CACNA1H: variants seen among roughly 807,000 people sequenced by gnomAD.
CACNA1H encodes the protein calcium voltage-gated channel subunit alpha1 H, also known as voltage-dependent T-type calcium channel subunit alpha-1H.
A neutral mutation model predicts 192.5 loss-of-function variants in CACNA1H; 149 were observed. The ratio of observed to expected loss-of-function variants is 0.77; its 90% CI spans 0.68 to 0.89. The LOEUF is 0.89. CACNA1H is among the 40% of genes least tolerant of loss of function. The pLI, the probability that CACNA1H is intolerant of heterozygous loss-of-function variation, is 0.00. For synonymous variants in CACNA1H, 2,202 were observed against 1,475.2 expected (o/e 1.49, Z -11.29); for missense variants, 4,257 against 3,423.5 (o/e 1.24, Z -6.08).
intron 2 of CACNA1H, among the ~76,000 whole-genome samples, chr16:1,155,784 C>G (rs887358067): frequency 1.8e-4 from 27 of 152,264 alleles, no homozygotes; most frequent in Admixed American, 1.5e-3. Flanking sequence ...GTTTGCGTTG[C>G]TGTGTGCAGG....
intron 2 of CACNA1H, among the ~76,000 whole-genome samples, chr16:1,186,966 A>G (rs902502581): frequency 8.5e-5 from 13 of 152,072 alleles, no homozygotes; most frequent in Admixed American, 6.5e-5. Context: ...TGTACCACCC[A>G]CTGACTCCCA....
intron 2 of CACNA1H, among the ~76,000 whole-genome samples, chr16:1,177,426 G>T (rs1050851979): frequency 6.6e-6 from 1 of 152,218 alleles, no homozygotes; most frequent in Non-Finnish European, 1.5e-5. Flanking sequence ...CCACCCTGCC[G>T]TCGCCCCGGA....
intron 9 of CACNA1H, 139 bp downstream of exon 9, chr16:1,202,591 C>G (rs947293278): frequency 5.7e-5 from 45 of 783,306 alleles, no homozygotes; most frequent in Non-Finnish European, 7.5e-5. Context: ...CCAGCTATGC[C>G]TCTGGAGCCC....
Position 1,201,773 on chromosome 16 carries a change from G to T in CACNA1H, c.1323G>T (p.Leu441=). 8 of 1,605,460 alleles carry T rather than the reference G, an allele frequency of 5.0e-6. No individual in the cohort carries two copies. The highest frequency in any genetic ancestry group is 6.8e-6 in the Non-Finnish European group (8 of 1,176,994). ...QLMREQRARH[L]SNDSTLASFS... is the part of the protein sequence containing the mutation. ...TGCGGGAGCAGCGGGCACGCCACCT[G>T]TCCAACGACAGCACGCTGGCCAGCT... is the stretch of plus-strand genomic sequence containing the variant. The change falls in exon 9 of 35, where the codon CTG becomes CTT. Residue 441 remains leucine (L), a synonymous_variant. Coordinates refer to ENST00000348261, the MANE Select transcript of CACNA1H (RefSeq NM_021098.3).
chr16:1,195,705 A>T, intron 4 of CACNA1H, 140 bp downstream of exon 4: 1 of 1,089,936 alleles, frequency 9.2e-7, no homozygotes, highest in Non-Finnish European at 1.3e-6. Context: ...CCTGTCTGGG[A>T]CTCCGGAGAC....
intron 2 of CACNA1H, among the ~76,000 whole-genome samples, chr16:1,164,285 A>G (rs773121645): frequency 3.3e-5 from 5 of 152,206 alleles, no homozygotes; most frequent in Non-Finnish European, 7.4e-5. Context: ...CCAAGGCCCC[A>G]GGAATACCCG....
chr16:1,210,459 C>T lies in CACNA1H; in HGVS notation c.3935C>T (p.Ala1312Val), dbSNP rs894318518. 3 of 1,612,030 alleles carry T rather than the reference C, an allele frequency of 1.9e-6. No homozygotes were observed. The highest frequency in any genetic ancestry group is 1.3e-5 in the African/African-American group (1 of 74,824). Residue 1312 changes from alanine (A) to valine (V), a missense_variant, in exon 19 of 35, where the codon GCC becomes GTC. Coordinates refer to ENST00000348261, the MANE Select transcript of CACNA1H (RefSeq NM_021098.3). ...VFIFLNCVTIALERPDIDPGS... is the reference protein window; with the variant it reads ...VFIFLNCVTIVLERPDIDPGS... ...ATCTTCCTCAACTGCGTCACCATCG[C>T]CCTGGAGAGGCCTGACATTGATCCC...
rs59844753 is a variant in CACNA1H, at chr16:1,220,166, C to T, written c.6234C>T (p.Cys2078=). ...RTRKHTFGQR[C]VSSRPAAPGG... is the part of the protein sequence containing the mutation. ...GTAAGCATACCTTCGGACAGCGCTG[C>T]GTCTCCAGCCGGCCGGCGGCCCCAG... Residue 2078 remains cysteine, a synonymous_variant, in exon 35 of 35, where the codon TGC becomes TGT. Transcript: ENST00000348261. 17,559 of 1,520,138 alleles carry T rather than the reference C, an allele frequency of 0.012. 136 individuals carry two copies. Among genetic ancestry groups the T allele is most frequent in the Non-Finnish European group, 0.014 (15,626 of 1,137,124 alleles). The allele number at this position is 1,520,138 out of a possible 1,614,324, so 94.2% of individuals were successfully genotyped here.
rs1730378735 is a variant in CACNA1H at position 1,167,267 on chromosome 16, G to A, written c.299+13231G>A. 1.3e-5 allele frequency among the ~76,000 whole-genome samples: 2 copies of A among 152,190 alleles called. No individual in the cohort carries two copies. Among genetic ancestry groups the A allele is most frequent in the African/African-American group, 4.8e-5 (2 of 41,462 alleles). ...GGCCTCCTGTCAGCAGCCCGTCCCG[G>A]TGGGTGGGGCTTGCCGGCCGCCCGC... On this transcript the variant is annotated intron_variant, in intron 2 of 34. Coordinates refer to ENST00000348261, the MANE Select transcript of CACNA1H (RefSeq NM_021098.3). The surrounding 1 kb of genome is among the most constrained non-coding windows in gnomAD (Gnocchi z 4.2).
At chr16:1,155,531 G>C (rs1268408503) in intron 2 of CACNA1H, among the ~76,000 whole-genome samples, 2 of 152,190 alleles carry the variant, frequency 1.3e-5, no homozygotes, top group Non-Finnish European at 2.9e-5. Context: ...TGGGAGGCTG[G>C]CCCCGAGCCA....
intron 2 of CACNA1H, chr16:1,157,742 A>T (rs1253706578): frequency 6.6e-6 from 1 of 152,344 alleles, no homozygotes; most frequent in Non-Finnish European, 1.5e-5. Context: ...CGGAAGTCAC[A>T]GGCCCAGGAG....
At chr16:1,155,767 G>A (rs1006740113) in intron 2 of CACNA1H, among the ~76,000 whole-genome samples, 6 of 152,156 alleles carry the variant, frequency 3.9e-5, no homozygotes, top group Admixed American at 1.3e-4. Flanking sequence ...GGACTTCCAA[G>A]GAGGTTGTTT....
In CACNA1H at chr16:1,219,094, C is replaced by G; in HGVS notation, c.6012C>G (p.Ala2004=). The change falls in exon 34 of 35, where the codon GCC becomes GCG. Residue 2004 remains alanine (A), a synonymous_variant. Transcript: ENST00000348261. ...PLHALSPRGT[A]RSPSLSRLLC... ...ACGCCCTGTCCCCTCGGGGCACAGC[C>G]CGCTCCCCCAGTCTCAGCCGGCTGC... 6.5e-7 allele frequency: 1 copy of G among 1,547,954 alleles called. No homozygotes were observed.
At chr16:1,157,792 A>C (rs1374914055) in intron 2 of CACNA1H, 1 of 152,330 alleles carries the variant, frequency 6.6e-6, no homozygotes, top group Non-Finnish European at 1.5e-5. Flanking sequence ...CTGAACTCCA[A>C]GCTGGGGGTC....
At chr16:1,203,868 T>A in intron 9 of CACNA1H, 142 bp from the exon 10 acceptor site, 1 of 616,934 alleles carries the variant, frequency 1.6e-6, no homozygotes, top group South Asian at 2.1e-5. Context: ...TGAAGTCCAG[T>A]CACAGGTTCT....
intron 26 of CACNA1H, among the ~76,000 whole-genome samples, chr16:1,212,946 C>T (rs1431810247): frequency 2.6e-5 from 4 of 152,248 alleles, no homozygotes; most frequent in East Asian, 3.8e-4. Context: ...CCTGCTCTTC[C>T]AGGCCCTGGG....
Position 1,202,419 on chromosome 16 carries a change from T to C in CACNA1H, c.1969T>C (p.Tyr657His), listed in dbSNP as rs1370356700. The change falls in exon 9 of 35, where the codon TAC becomes CAC. Residue 657 changes from tyrosine (Y) to histidine (H), a missense_variant. Physicochemically the swap from Tyr to His is moderately conservative, Grantham distance 83 (BLOSUM62 2). Transcript: ENST00000348261. ...GTTGAGCTTGAACAGCCCTGATCCC[T>C]ACGAGAAGATCCCGCATGTGGTCGG... ...GPLSLNSPDPYEKIPHVVGEH... is the reference protein window; with the variant it reads ...GPLSLNSPDPHEKIPHVVGEH... 7 of 1,515,466 alleles carry C rather than the reference T, an allele frequency of 4.6e-6. No homozygotes were observed. Among genetic ancestry groups the C allele is most frequent in the South Asian group, 1.2e-5 (1 of 80,054 alleles). 93.9% of individuals were successfully genotyped at this position (1,515,466 alleles called of 1,614,324 possible).
chr16:1,165,541 C>A (rs1175354368), intron 2 of CACNA1H, among the ~76,000 whole-genome samples: 2 of 152,180 alleles, frequency 1.3e-5, no homozygotes, highest in African/African-American at 2.4e-5. Flanking sequence ...CTGGGCCCCC[C>A]TCCCCACCTG....
intron 2 of CACNA1H, among the ~76,000 whole-genome samples, chr16:1,162,490 A>G (rs1963310365): frequency 6.6e-6 from 1 of 152,162 alleles, no homozygotes; most frequent in South Asian, 2.1e-4. Flanking sequence ...GGCTCCTCCG[A>G]TGAGGAGCAG....
Sources: gnomAD v4.1 joint callset for allele counts (sites outside exome capture counted in the v4.1 genomes callset) on GRCh38, gnomAD v4.1.1 for gene constraint, Gnocchi (gnomAD v3.1) non-coding constraint, MANE v1.5 for transcripts, NCBI Gene and HGNC (gene_info 2026-07-23, HGNC 2026-07-21) for gene names.